KCNA6: variants seen among roughly 807,000 people sequenced by gnomAD.
The protein encoded by KCNA6 is human brain potassium channel-2.
In KCNA6, 17 loss-of-function variants were observed where a neutral mutation model predicts 29.5. The ratio of observed to expected loss-of-function variants is 0.58; its 90% CI spans 0.39 to 0.86. KCNA6 has a LOEUF of 0.86. Among genes scored for constraint, KCNA6 ranks in the 40% least tolerant of loss-of-function variants. The pLI is 0.00. For synonymous variants in KCNA6, 296 were observed against 304.7 expected, an observed-to-expected ratio of 0.97 and a Z score of 0.30; for missense variants, 450 against 703.4, an observed-to-expected ratio of 0.64 and a Z score of 4.07.
At chr12:4,816,540 A>G (rs1179541682), downstream of KCNA6, among the ~76,000 whole-genome samples, 6 of 152,158 alleles carry the variant, frequency 3.9e-5, no homozygotes, top group Non-Finnish European at 7.4e-5. Flanking sequence ...AAGTTCCCAC[A>G]AACTAAAAAC....
downstream of KCNA6, among the ~76,000 whole-genome samples, chr12:4,818,238 T>C (rs932212744): frequency 3.3e-5 from 5 of 152,200 alleles, no homozygotes; most frequent in African/African-American, 1.2e-4. Flanking sequence ...GGAATAGTCC[T>C]AGCAAGAATA....
the KCNA6 span, among the ~76,000 whole-genome samples, chr12:4,829,395 A>C: frequency 6.6e-6 from 1 of 152,206 alleles, no homozygotes; most frequent in Non-Finnish European, 1.5e-5. Flanking sequence ...GCTAATCGAC[A>C]AACTTTTCAC....
chr12:4,836,070 G>A, the KCNA6 span, among the ~76,000 whole-genome samples: 2 of 151,262 alleles, frequency 1.3e-5, no homozygotes, highest in East Asian at 3.9e-4. Context: ...CTCCTGAGTA[G>A]CTGGGATTAC....
chr12:4,819,042 A>C, the KCNA6 span, among the ~76,000 whole-genome samples: 16 of 152,332 alleles, frequency 1.1e-4, 1 homozygote, highest in South Asian at 3.3e-3. Context: ...ATACACACGT[A>C]TATGCACACA....
the KCNA6 span, among the ~76,000 whole-genome samples, chr12:4,849,213 G>C: frequency 6.6e-6 from 1 of 152,212 alleles, no homozygotes; most frequent in South Asian, 2.1e-4. Flanking sequence ...GAGCAGTCCA[G>C]GGAGAAAGCT....
chr12:4,850,274 C>T, the KCNA6 span, among the ~76,000 whole-genome samples: 502 of 147,000 alleles, frequency 3.4e-3, 1 homozygote, highest in African/African-American at 0.012. The surrounding 1 kb of genome is among the most constrained non-coding windows in gnomAD (Gnocchi z 5.4). Flanking sequence ...ACGCGCCTGA[C>T]GCTGGTGCAG....
rs1316713812 is a variant in KCNA6, at chr12:4,810,142, G to A, written c.101G>A (p.Gly34Asp). 3 of 1,603,618 alleles carry A rather than the reference G, an allele frequency of 1.9e-6. No individual in the cohort carries two copies. The highest frequency in any genetic ancestry group is 1.7e-6 in the Non-Finnish European group (2 of 1,175,624). ...GGAGACTTCCCGGAGGCCGGCGGGG[G>A]CGGGGGCTGCTGTAGTAGCGAGCGG... Residue 34 changes from glycine to aspartate, a missense_variant, in exon 1 of 1, where the codon GGC (glycine) becomes GAC (aspartate). Gly to Asp is a moderately conservative substitution (Grantham distance 94). Around this residue, in one of 7 missense-constraint regions of KCNA6, gnomAD observed 72 missense variants for 64.2 expected, o/e 1.12. Coordinates refer to ENST00000280684, the Ensembl canonical transcript of KCNA6. This position sits in a 1 kb window ranked among gnomAD's most constrained non-coding sequence, Gnocchi z 7.5.
At chr12:4,827,224 C>CCTTCCTTCCTTA in the KCNA6 span, among the ~76,000 whole-genome samples, 1 of 144,478 alleles carries the variant, frequency 6.9e-6, no homozygotes, top group Non-Finnish European at 1.5e-5. Context: ...TTCCTTCCTT[C>CCTTCCTTCCTTA]CTTCCTCCTT....
the KCNA6 span, among the ~76,000 whole-genome samples, chr12:4,833,804 T>A: frequency 2.0e-5 from 3 of 152,182 alleles, no homozygotes; most frequent in Non-Finnish European, 2.9e-5. Context: ...AGGGCGGGGC[T>A]GTCCTAACCA....
the KCNA6 span, among the ~76,000 whole-genome samples, chr12:4,821,439 TG>T: frequency 5.3e-5 from 8 of 150,594 alleles, no homozygotes; most frequent in African/African-American, 1.7e-4. Flanking sequence ...TGTGTGTGTG[TG>T]TGTGTGTGTG....
At chr12:4,839,529 G>C in the KCNA6 span, among the ~76,000 whole-genome samples, 1 of 152,212 alleles carries the variant, frequency 6.6e-6, no homozygotes, top group Non-Finnish European at 1.5e-5. Flanking sequence ...TAGTAGTTAA[G>C]TTTTGGGGGA....
chr12:4,831,849 C>T, the KCNA6 span, among the ~76,000 whole-genome samples: 1 of 152,134 alleles, frequency 6.6e-6, no homozygotes. Flanking sequence ...TGGGCTCAAA[C>T]CCTGGCTCTC....
chr12:4,833,604 A>G, the KCNA6 span, among the ~76,000 whole-genome samples: 1 of 152,208 alleles, frequency 6.6e-6, no homozygotes, highest in Non-Finnish European at 1.5e-5. Context: ...GCCATAGCCA[A>G]TGATGTTAGG....
Position 4,810,081 on chromosome 12 carries a change from G to T in KCNA6, c.40G>T (p.Glu14Ter). 1 of 1,554,714 alleles carries T rather than the reference G, an allele frequency of 6.4e-7. No homozygotes were observed. Reference sequence around the variant, plus strand: ...ATCCCTTACGCTGGCGGCGCCGGGGGAGGTCCGTGGGCCGGAGGGAGAGCA... The same window carrying T: ...ATCCCTTACGCTGGCGGCGCCGGGGTAGGTCCGTGGGCCGGAGGGAGAGCA... Residue 14 changes from glutamate (E) to a stop codon, truncating the protein, a stop_gained, in exon 1 of 1, where the codon GAG becomes TAG. Coordinates refer to ENST00000280684, the Ensembl canonical transcript of KCNA6. LOFTEE classifies it high-confidence loss of function. This position sits in a 1 kb window ranked among gnomAD's most constrained non-coding sequence, Gnocchi z 7.5.
chr12:4,845,153 C>G, the KCNA6 span, among the ~76,000 whole-genome samples: 1 of 152,136 alleles, frequency 6.6e-6, no homozygotes, highest in Admixed American at 6.5e-5. Context: ...CTTCGTTTTC[C>G]TGGGCTATAT....
chr12:4,810,794 C>G lies in KCNA6; in HGVS notation c.753C>G (p.Leu251=). The change falls in exon 1 of 1, where the codon CTC becomes CTG. Residue 251 remains leucine, a synonymous_variant. Coordinates refer to ENST00000280684, the Ensembl canonical transcript of KCNA6. This position sits in a 1 kb window ranked among gnomAD's most constrained non-coding sequence, Gnocchi z 7.5. ...TGGGGACCGGGGGCTCCTCCTCACT[C>G]AGTACTCTTGGGGGCTCCTTCTTTA... The G allele has an allele frequency of 6.3e-7, 1 of 1,592,876 alleles. No individual in the cohort carries two copies. Among genetic ancestry groups the G allele is most frequent in the Non-Finnish European group, 8.5e-7 (1 of 1,169,906 alleles).
chr12:4,829,543 C>G, the KCNA6 span, among the ~76,000 whole-genome samples: 1 of 152,086 alleles, frequency 6.6e-6, no homozygotes, highest in African/African-American at 2.4e-5. Flanking sequence ...GAGTGATCAC[C>G]TTCATGGATT....
At chr12:4,825,931 C>T in the KCNA6 span, among the ~76,000 whole-genome samples, 5 of 152,306 alleles carry the variant, frequency 3.3e-5, no homozygotes, top group African/African-American at 4.8e-5. Context: ...GATTTTTTTA[C>T]GATCACTTTT....
At chr12:4,823,083 A>G in the KCNA6 span, among the ~76,000 whole-genome samples, 2 of 152,196 alleles carry the variant, frequency 1.3e-5, no homozygotes, top group Admixed American at 6.5e-5. Context: ...GATTAAATAA[A>G]ATCCATCATG....
Sources: allele counts gnomAD v4.1 joint callset (sites outside exome capture counted in the v4.1 genomes callset), GRCh38; gene constraint gnomAD v4.1.1; regional missense constraint gnomAD v4.1.1; non-coding constraint Gnocchi (gnomAD v3.1); transcripts MANE v1.5; gene names NCBI Gene and HGNC (gene_info 2026-07-23, HGNC 2026-07-21).